Variants in COL4A1 observed in about 807,000 individuals in gnomAD.
COL4A1 encodes collagen type IV alpha 1 chain.
A neutral mutation model predicts 216.6 loss-of-function variants in COL4A1; 40 were observed. The observed-to-expected ratio is 0.18, with a 90% CI of 0.14 to 0.24. COL4A1 has a LOEUF of 0.24. Ranked by LOEUF, COL4A1 falls within the 10% of genes least tolerant of loss-of-function variation. The pLI, the probability that COL4A1 is intolerant of heterozygous loss-of-function variation, is 1.00. For missense variants in COL4A1, 1,628 were observed against 2,196.8 expected, an observed-to-expected ratio of 0.74 and a Z score of 5.18; for synonymous variants, 839 against 810.7, an observed-to-expected ratio of 1.03 and a Z score of -0.59.
At position 110,270,593 on chromosome 13, in the gene COL4A1, G is replaced by A. The variant is rs997913074; in HGVS notation, c.85-27859C>T. Among the ~76,000 whole-genome samples, 4 of 152,320 alleles carry A rather than the reference G, an allele frequency of 2.6e-5. No homozygotes were observed. The East Asian group carries it at 7.7e-4, about 29-fold the overall frequency. ...GCCCCTTTGTACACTGGAAGGTGCT[G>A]AGGCTTAGGGTGGGGCAGATGGGAA... On this transcript the variant is annotated intron_variant, in intron 1 of 51. Transcript: ENST00000375820.
At chr13:110,229,567 G>A (rs941437980) in intron 2 of COL4A1, among the ~76,000 whole-genome samples, 2 of 152,308 alleles carry the variant, frequency 1.3e-5, no homozygotes, top group East Asian at 1.9e-4. Flanking sequence ...AAATTCCTGT[G>A]TGGAAATTCT....
Position 110,162,257 on chromosome 13 carries a change from T to C in COL4A1, c.4435A>G (p.Asn1479Asp). 6.2e-7 allele frequency: 1 copy of C among 1,614,238 alleles called. No homozygotes were observed. Among genetic ancestry groups the C allele is most frequent in the South Asian group, 1.1e-5 (1 of 91,090 alleles). ...AAGTCCTGGCCATGGGCCCGTTCAT[T>C]GCCTTGCACGTAGAGCAAAGAGTAC... ...HGYSLLYVQG[N>D]ERAHGQDLGT... The change falls in exon 48 of 52, where the codon AAT becomes GAT. Residue 1479 changes from asparagine to aspartate, a missense_variant. Asn to Asp is a conservative substitution (Grantham distance 23, BLOSUM62 1). This residue lies in a region of COL4A1 where 254 missense variants were observed against 300.1 expected (regional missense o/e 0.85). Coordinates refer to ENST00000375820, the MANE Select transcript of COL4A1 (RefSeq NM_001845.6).
chr13:110,294,631 A>C (rs945852283), intron 1 of COL4A1, among the ~76,000 whole-genome samples: 1 of 152,254 alleles, frequency 6.6e-6, no homozygotes, highest in East Asian at 1.9e-4. Flanking sequence ...TCTGAGACAC[A>C]AAGTAGACAC....
At chr13:110,153,497 TG>T (rs1445233942) in intron 50 of COL4A1, among the ~76,000 whole-genome samples, 2 of 152,240 alleles carry the variant, frequency 1.3e-5, no homozygotes, top group Non-Finnish European at 2.9e-5. Context: ...TCAATGCAAC[TG>T]TGGGCTTTCT....
chr13:110,237,290 C>G (rs1313706665), intron 2 of COL4A1, among the ~76,000 whole-genome samples: 1 of 152,192 alleles, frequency 6.6e-6, no homozygotes, highest in Non-Finnish European at 1.5e-5. Flanking sequence ...CTGAGTCGTA[C>G]TCTGGTTAGT....
chr13:110,198,078 G>GGT (rs35751015), intron 21 of COL4A1, among the ~76,000 whole-genome samples: 25,227 of 141,596 alleles, frequency 0.18, 2,147 homozygotes, highest in African/African-American at 0.19. Context: ...TTGTTTCTGG[G>GGT]GTGTGTGTGT....
chr13:110,195,700 TA>T (rs1190322994), intron 21 of COL4A1, among the ~76,000 whole-genome samples: 2 of 152,226 alleles, frequency 1.3e-5, no homozygotes, highest in African/African-American at 4.8e-5. Flanking sequence ...TCCTAGGTTC[TA>T]GTAAAAAATA....
At chr13:110,250,776 C>G (rs916135994) in intron 1 of COL4A1, among the ~76,000 whole-genome samples, 2 of 152,328 alleles carry the variant, frequency 1.3e-5, no homozygotes, top group Middle Eastern at 3.4e-3. Context: ...TTGTGAGTCA[C>G]TGGCCTGACG....
At chr13:110,263,983 T>C (rs930393072) in intron 1 of COL4A1, among the ~76,000 whole-genome samples, 1 of 152,130 alleles carries the variant, frequency 6.6e-6, no homozygotes, top group African/African-American at 2.4e-5. Flanking sequence ...AAAAACTGTA[T>C]CAAAAGAAAA....
At chr13:110,175,196 T>C in intron 37 of COL4A1, 22 bp downstream of exon 37, 1 of 1,614,104 alleles carries the variant, frequency 6.2e-7, no homozygotes, top group Non-Finnish European at 8.5e-7. Flanking sequence ...AAGGGGACCT[T>C]TCCACGCAGA....
At chr13:110,256,603 G>A (rs1191189920) in intron 1 of COL4A1, among the ~76,000 whole-genome samples, 1 of 152,356 alleles carries the variant, frequency 6.6e-6, no homozygotes, top group East Asian at 1.9e-4. Context: ...CAGGGAGTTT[G>A]AAGAACATTG....
intron 51 of COL4A1, 75 bp from the exon 52 acceptor site, chr13:110,150,519 T>C: frequency 7.0e-7 from 1 of 1,438,470 alleles, no homozygotes; most frequent in Non-Finnish European, 9.7e-7. Context: ...CCTGCCCTGC[T>C]CGGAAATCTC....
chr13:110,159,606 C>G (rs1876973734), intron 49 of COL4A1, among the ~76,000 whole-genome samples: 1 of 152,192 alleles, frequency 6.6e-6, no homozygotes, highest in Admixed American at 6.5e-5. Flanking sequence ...CTGGGTGTAC[C>G]TCCAGAACAA....
chr13:110,194,775 C>T (rs1014716107), intron 22 of COL4A1, among the ~76,000 whole-genome samples: 1 of 152,266 alleles, frequency 6.6e-6, no homozygotes, highest in Middle Eastern at 3.4e-3. Flanking sequence ...ACTGACTTCA[C>T]GGTCCTCGGA....
Position 110,208,917 on chromosome 13 carries a change from T to C in COL4A1, c.652-27A>G, listed in dbSNP as rs1285487602. The C allele has an allele frequency of 4.3e-6, 7 of 1,612,008 alleles. No individual in the cohort carries two copies. The East Asian group carries it at 1.6e-4, about 36-fold the overall frequency. On this transcript the variant is annotated intron_variant, in intron 11 of 51. Transcript: ENST00000375820. ...TGTGGATTAAAAATTAGGCTCTCAT[T>C]ATTAGATTTGTCTACTTCGTTCAAA...
chr13:110,231,427 C>T (rs61963281), intron 2 of COL4A1, among the ~76,000 whole-genome samples: 9,603 of 152,280 alleles, frequency 0.063, 409 homozygotes, highest in Non-Finnish European at 0.1. Context: ...CGCACCTGAG[C>T]GGCTGCCTGA....
At chr13:110,219,864 G>GTATA (rs1330561109) in intron 2 of COL4A1, among the ~76,000 whole-genome samples, 23 of 53,002 alleles carry the variant, frequency 4.3e-4, no homozygotes, top group Non-Finnish European at 6.9e-4. Flanking sequence ...ATGTATATAT[G>GTATA]TGTGTGTATA....
At chr13:110,284,077 A>G (rs1159836057) in intron 1 of COL4A1, among the ~76,000 whole-genome samples, 1 of 152,208 alleles carries the variant, frequency 6.6e-6, no homozygotes, top group Non-Finnish European at 1.5e-5. Context: ...ACGGGCAGGG[A>G]TCCCACAGAG....
chr13:110,207,021 T>C lies in COL4A1; in HGVS notation c.781-130A>G. ...ATTAACAAAGAAATTCATGTTGATC[T>C]CCAGCACTCACTTGACATTGACTGG... On this transcript the variant is annotated intron_variant, in intron 13 of 51. Coordinates refer to ENST00000375820, the MANE Select transcript of COL4A1 (RefSeq NM_001845.6). The surrounding 1 kb of genome is among the most constrained non-coding windows in gnomAD (Gnocchi z 4.4). The C allele has an allele frequency of 1.0e-6, 1 of 961,074 alleles. No individual in the cohort carries two copies. Among genetic ancestry groups the C allele is most frequent in the Non-Finnish European group, 1.6e-6 (1 of 616,520 alleles). The allele number at this position is 961,074 out of a possible 1,614,324, so 59.5% of individuals were successfully genotyped here.
Sources: allele counts gnomAD v4.1 joint callset (sites outside exome capture counted in the v4.1 genomes callset), GRCh38; gene constraint gnomAD v4.1.1; regional missense constraint gnomAD v4.1.1; non-coding constraint Gnocchi (gnomAD v3.1); transcripts MANE v1.5; gene names NCBI Gene and HGNC (gene_info 2026-07-23, HGNC 2026-07-21).